ACAD10: variants seen among roughly 807,000 people sequenced by gnomAD.
ACAD10 encodes the protein ACAD-10.
A neutral mutation model predicts 116.8 loss-of-function variants in ACAD10; 112 were observed. The observed-to-expected ratio is 0.96, with a 90% confidence interval of 0.82 to 1.12. ACAD10 has a LOEUF of 1.12. Ranked by LOEUF, ACAD10 falls within the 50% of genes most tolerant of loss-of-function variation. The probability of loss-of-function intolerance (pLI) is 0.00; values close to 1 mark genes in which losing one functional copy is unlikely to be tolerated. For missense variants in ACAD10, 1,259 were observed against 1,350.2 expected, an observed-to-expected ratio of 0.93 and a Z score of 1.06; for synonymous variants, 486 against 510.6, an observed-to-expected ratio of 0.95 and a Z score of 0.65.
chr12:111,723,691 C>CG (rs1191259996), intron 8 of ACAD10, among the ~76,000 whole-genome samples: 1 of 149,358 alleles, frequency 6.7e-6, no homozygotes, highest in African/African-American at 2.5e-5. Flanking sequence ...CTGACCCCCC[C>CG]CCCCACCTCC....
intron 2 of ACAD10, 171 bp downstream of exon 2, chr12:111,693,067 A>G (rs929816076): frequency 6.1e-6 from 4 of 651,518 alleles, no homozygotes; most frequent in African/African-American, 1.8e-5. Flanking sequence ...TCTTGGGCGC[A>G]TGATTCAGCT....
In ACAD10 at chr12:111,708,189, C is replaced by T. The variant is rs1593023274; in HGVS notation, c.532-1337C>T. On this transcript the variant is annotated intron_variant, in intron 4 of 20. Coordinates refer to ENST00000313698, the MANE Select transcript of ACAD10 (RefSeq NM_025247.6). Reference sequence around the variant, plus strand: ...AAGTAATAGAAGCCCTGAATAAGTTCATGCCATCATGTGCAAAATAAGAAA... The same window carrying T: ...AAGTAATAGAAGCCCTGAATAAGTTTATGCCATCATGTGCAAAATAAGAAA... 2.0e-5 allele frequency among the ~76,000 whole-genome samples: 3 copies of T among 152,310 alleles called. No individual in the cohort carries two copies. The East Asian group carries it at 5.8e-4, about 29-fold the overall frequency.
chr12:111,697,096 T>A (rs1443064323), intron 2 of ACAD10, among the ~76,000 whole-genome samples: 1 of 131,834 alleles, frequency 7.6e-6, no homozygotes. Flanking sequence ...AAAAAAAAAA[T>A]TGGGCATGGT....
intron 3 of ACAD10, among the ~76,000 whole-genome samples, chr12:111,705,332 C>T (rs1181624319): frequency 6.6e-6 from 1 of 151,942 alleles, no homozygotes; most frequent in Admixed American, 6.6e-5. Flanking sequence ...CTCAAGCCAT[C>T]CTCCCACCTC....
intron 4 of ACAD10, among the ~76,000 whole-genome samples, chr12:111,708,492 A>C (rs1387991692): frequency 6.6e-6 from 1 of 151,664 alleles, no homozygotes; most frequent in Non-Finnish European, 1.5e-5. Context: ...TAGCTCATTC[A>C]GGTCCTTAGG....
chr12:111,747,858 G>T, intron 16 of ACAD10: 1 of 744,892 alleles, frequency 1.3e-6, no homozygotes, highest in Non-Finnish European at 1.7e-6. Flanking sequence ...TTAAGAATGA[G>T]CATCCCCATT....
intron 2 of ACAD10, among the ~76,000 whole-genome samples, chr12:111,698,253 G>A (rs2135946445): frequency 6.8e-6 from 1 of 147,032 alleles, no homozygotes; most frequent in South Asian, 2.2e-4. Context: ...CTGCCTCAGG[G>A]TTCCAAAGTG....
At chr12:111,730,257 A>ACCT (rs1889348993) in intron 10 of ACAD10, among the ~76,000 whole-genome samples, 2 of 152,226 alleles carry the variant, frequency 1.3e-5, no homozygotes, top group African/African-American at 2.4e-5. Flanking sequence ...ATCTTCGCAG[A>ACCT]CCTGGTCCAG....
At chr12:111,741,179 G>A (rs141789456) in intron 12 of ACAD10, among the ~76,000 whole-genome samples, 251 of 152,274 alleles carry the variant, frequency 1.6e-3, no homozygotes, top group Non-Finnish European at 3.1e-3. Flanking sequence ...AGGAATTTCT[G>A]GAAACAATAT....
intron 7 of ACAD10, among the ~76,000 whole-genome samples, chr12:111,720,569 C>T (rs780529181): frequency 1.5e-4 from 23 of 152,140 alleles, no homozygotes; most frequent in Non-Finnish European, 2.8e-4. Context: ...GGTACACTGT[C>T]GTAAAGGCTG....
At chr12:111,710,640 G>A (rs1888650126) in intron 5 of ACAD10, among the ~76,000 whole-genome samples, 2 of 151,368 alleles carry the variant, frequency 1.3e-5, no homozygotes, top group Admixed American at 6.6e-5. Context: ...GACTATAGGC[G>A]CACGCCACCA....
chr12:111,749,763 C>T (rs1057319200), intron 18 of ACAD10: 2 of 102,834 alleles, frequency 1.9e-5, no homozygotes, highest in African/African-American at 7.3e-5. Flanking sequence ...TCAGTCTCTA[C>T]AAAAAAAAAA....
intron 5 of ACAD10, among the ~76,000 whole-genome samples, chr12:111,710,655 C>T (rs1055686088): frequency 1.3e-5 from 2 of 151,862 alleles, no homozygotes; most frequent in African/African-American, 2.4e-5. Flanking sequence ...CCACCATGCC[C>T]GGTTAATTTT....
rs1309438962 is a variant in ACAD10 at position 111,756,838 on chromosome 12, C to G, written c.*365C>G. 1 of 468,008 alleles carries G rather than the reference C, an allele frequency of 2.1e-6. No individual in the cohort carries two copies. The highest frequency in any genetic ancestry group is 1.5e-5 in the South Asian group (1 of 64,654). 29.0% of individuals were successfully genotyped at this position (468,008 alleles called of 1,614,324 possible). ...AATCTGGACACATTTTGGGAGGCCTCCCAAGGCTGTGGGACGTGCTTGCTC... is the reference window on the plus strand; with the variant it reads ...AATCTGGACACATTTTGGGAGGCCTGCCAAGGCTGTGGGACGTGCTTGCTC... On this transcript the variant is annotated 3_prime_UTR_variant, in exon 21 of 21. Coordinates refer to ENST00000313698, the MANE Select transcript of ACAD10 (RefSeq NM_025247.6).
chr12:111,750,790 G>A (rs1890053494), intron 18 of ACAD10, among the ~76,000 whole-genome samples: 1 of 152,096 alleles, frequency 6.6e-6, no homozygotes, highest in Admixed American at 6.6e-5. Flanking sequence ...ATTCAAATTG[G>A]TGATTATCAA....
intron 12 of ACAD10, among the ~76,000 whole-genome samples, chr12:111,740,655 T>C (rs77941328): frequency 0.016 from 2,325 of 147,936 alleles, 68 homozygotes; most frequent in African/African-American, 0.054. Flanking sequence ...CTACTAGGTG[T>C]CTGTAATCCC....
At chr12:111,729,378 C>T (rs959549284) in intron 9 of ACAD10, among the ~76,000 whole-genome samples, 4 of 152,280 alleles carry the variant, frequency 2.6e-5, no homozygotes, top group Middle Eastern at 3.4e-3. Flanking sequence ...GCTGGGATGA[C>T]AGGCACCCAC....
At position 111,756,324 on chromosome 12, in the gene ACAD10, G is replaced by A. The variant is rs2068083600; in HGVS notation, c.3040-9G>A. 6.3e-7 allele frequency: 1 copy of A among 1,590,166 alleles called. No homozygotes were observed. Among genetic ancestry groups the A allele is most frequent in the South Asian group, 1.1e-5 (1 of 89,022 alleles). On this transcript the variant is annotated splice_polypyrimidine_tract_variant and intron_variant, in intron 20 of 20. Transcript: ENST00000313698. ...CCAGGGCCGCCTCCCTCCACTCTGTGTCTGCCAGGCCTTTGGAGCAGCAGG... is the reference window on the plus strand; with the variant it reads ...CCAGGGCCGCCTCCCTCCACTCTGTATCTGCCAGGCCTTTGGAGCAGCAGG...
intron 5 of ACAD10, 150 bp from the exon 6 acceptor site, chr12:111,712,348 C>A: frequency 1.5e-6 from 1 of 660,998 alleles, no homozygotes; most frequent in Non-Finnish European, 2.4e-6. Flanking sequence ...TGACTGCTGG[C>A]ACCTGTTCAA....
Sources: gnomAD v4.1 joint callset for allele counts (sites outside exome capture counted in the v4.1 genomes callset) on GRCh38, gnomAD v4.1.1 for gene constraint, MANE v1.5 for transcripts, NCBI Gene and HGNC (gene_info 2026-07-23, HGNC 2026-07-21) for gene names.